Variants in CCBE1 observed in about 807,000 individuals in gnomAD.
CCBE1 encodes collagen and calcium-binding EGF domain-containing protein 1.
CCBE1 carries 37 observed loss-of-function variants against 50.0 expected under a neutral mutation model. The ratio of observed to expected loss-of-function variants is 0.74; its 90% CI spans 0.57 to 0.97. The LOEUF is 0.97. Ranked by LOEUF, CCBE1 falls within the 50% of genes least tolerant of loss-of-function variation. CCBE1 has a pLI of 0.00. For missense variants in CCBE1, 538 were observed against 523.8 expected (o/e 1.03, Z -0.26); for synonymous variants, 234 against 203.7 (o/e 1.15, Z -1.27).
chr18:59,437,159 A>G (rs1910196160), intron 10 of CCBE1, among the ~76,000 whole-genome samples: 1 of 152,212 alleles, frequency 6.6e-6, no homozygotes. Flanking sequence ...ATCATCATAT[A>G]GTATTTACTA....
chr18:59,567,370 G>T (rs1257191502), intron 2 of CCBE1, among the ~76,000 whole-genome samples: 1 of 152,194 alleles, frequency 6.6e-6, no homozygotes, highest in African/African-American at 2.4e-5. Context: ...CTGACCTCAG[G>T]TGATCCATCC....
At chr18:59,617,942 C>A (rs952344500) in intron 2 of CCBE1, among the ~76,000 whole-genome samples, 4 of 152,164 alleles carry the variant, frequency 2.6e-5, no homozygotes, top group Non-Finnish European at 5.9e-5. Flanking sequence ...AAATTCCATA[C>A]ATTGACAGCT....
chr18:59,693,003 C>CACACACACACACAAAA (rs1278264661), intron 2 of CCBE1, among the ~76,000 whole-genome samples: 3 of 145,970 alleles, frequency 2.1e-5, no homozygotes, highest in African/African-American at 7.8e-5. Context: ...CACACACACA[C>CACACACACACACAAAA]AAACAAAAAA....
intron 2 of CCBE1, among the ~76,000 whole-genome samples, chr18:59,540,803 C>T (rs72964199): frequency 0.12 from 18,812 of 152,194 alleles, 1,248 homozygotes; most frequent in Middle Eastern, 0.18. Context: ...TAACAGATTA[C>T]AGAACCGGTA....
At chr18:59,616,010 G>A (rs1220713787) in intron 2 of CCBE1, among the ~76,000 whole-genome samples, 1 of 152,230 alleles carries the variant, frequency 6.6e-6, no homozygotes, top group Non-Finnish European at 1.5e-5. Context: ...TCTAGTAGCT[G>A]AGCTCGGCTG....
chr18:59,600,732 G>A (rs1480603971), intron 2 of CCBE1, among the ~76,000 whole-genome samples: 1 of 152,078 alleles, frequency 6.6e-6, no homozygotes. Flanking sequence ...ACTGGGGCTG[G>A]TTACCACCAA....
chr18:59,502,451 C>T (rs1913667202), intron 2 of CCBE1, among the ~76,000 whole-genome samples: 1 of 89,576 alleles, frequency 1.1e-5, no homozygotes, highest in Non-Finnish European at 2.0e-5. Context: ...CCTAACATCC[C>T]AAGGGAGGAA....
intron 2 of CCBE1, among the ~76,000 whole-genome samples, chr18:59,598,579 C>A (rs2053387922): frequency 6.6e-6 from 1 of 152,196 alleles, no homozygotes; most frequent in Non-Finnish European, 1.5e-5. Context: ...ATTGAGCTAA[C>A]CAATCTACAG....
chr18:59,693,741 G>A (rs1157222016), intron 2 of CCBE1, among the ~76,000 whole-genome samples: 1 of 151,902 alleles, frequency 6.6e-6, no homozygotes, highest in East Asian at 1.9e-4. Flanking sequence ...GCTCGTAATA[G>A]ATGCACAATA....
intron 2 of CCBE1, among the ~76,000 whole-genome samples, chr18:59,687,480 T>C (rs1043210696): frequency 6.6e-6 from 1 of 152,226 alleles, no homozygotes; most frequent in African/African-American, 2.4e-5. Context: ...TCCAGTTTCC[T>C]AACTTTTCCC....
At position 59,571,077 on chromosome 18, in the gene CCBE1, A is replaced by G. The variant is rs79922626; in HGVS notation, c.213-90839T>C. ...CTGAGTATAATAGCAGTCAGTCCCT[A>G]GGAGTGAAATGTGCTCCTTTTTTGG... On this transcript the variant is annotated intron_variant, in intron 2 of 10. Coordinates refer to ENST00000439986, the MANE Select transcript of CCBE1 (RefSeq NM_133459.4). Among the ~76,000 whole-genome samples, 1,427 of 152,324 alleles carry G rather than the reference A, an allele frequency of 9.4e-3. 29 individuals are homozygous for G. Among genetic ancestry groups the G allele is most frequent in the African/African-American group, 0.033 (1,382 of 41,572 alleles).
intron 3 of CCBE1, among the ~76,000 whole-genome samples, chr18:59,475,769 G>A (rs1912277773): frequency 1.3e-5 from 2 of 152,030 alleles, no homozygotes; most frequent in African/African-American, 4.8e-5. Context: ...CCAGGCTGGA[G>A]TGCGCTGGCA....
At chr18:59,500,088 C>T (rs1348510893) in intron 2 of CCBE1, among the ~76,000 whole-genome samples, 1 of 152,162 alleles carries the variant, frequency 6.6e-6, no homozygotes, top group Admixed American at 6.5e-5. Context: ...AAAGATAAGT[C>T]CCAGAGGAAG....
chr18:59,480,044 T>C, intron 3 of CCBE1, 142 bp downstream of exon 3: 1 of 638,526 alleles, frequency 1.6e-6, no homozygotes. Flanking sequence ...TCAGAAAAAT[T>C]TGATGCCAAA....
intron 2 of CCBE1, among the ~76,000 whole-genome samples, chr18:59,571,041 C>T (rs143809456): frequency 6.6e-6 from 1 of 152,258 alleles, no homozygotes; most frequent in East Asian, 1.9e-4. Context: ...CAGAAATTCA[C>T]CCTCCCACTT....
chr18:59,553,504 G>C (rs1029234462), intron 2 of CCBE1, among the ~76,000 whole-genome samples: 1 of 152,206 alleles, frequency 6.6e-6, no homozygotes, highest in Non-Finnish European at 1.5e-5. Context: ...TCCCTGAATG[G>C]ATATGGAGTC....
At chr18:59,531,067 T>G (rs745417836) in intron 2 of CCBE1, among the ~76,000 whole-genome samples, 1 of 152,194 alleles carries the variant, frequency 6.6e-6, no homozygotes, top group Non-Finnish European at 1.5e-5. Context: ...AAAACTCAGT[T>G]GGAGCATCCC....
At chr18:59,605,710 A>G (rs2053488877) in intron 2 of CCBE1, among the ~76,000 whole-genome samples, 2 of 152,114 alleles carry the variant, frequency 1.3e-5, no homozygotes, top group Admixed American at 1.3e-4. Context: ...ATTTCTCCCA[A>G]AGGAACATTT....
At chr18:59,455,995 G>C (rs1911177086) in intron 5 of CCBE1, among the ~76,000 whole-genome samples, 1 of 152,188 alleles carries the variant, frequency 6.6e-6, no homozygotes, top group Non-Finnish European at 1.5e-5. Flanking sequence ...CGTATACTTT[G>C]CTTCTTACTG....
Sources: gnomAD v4.1 joint callset for allele counts (sites outside exome capture counted in the v4.1 genomes callset) on GRCh38, gnomAD v4.1.1 for gene constraint, MANE v1.5 for transcripts, NCBI Gene and HGNC (gene_info 2026-07-23, HGNC 2026-07-21) for gene names.